The following GUCY1A2 variants were observed in gnomAD, a reference collection of about 807,000 sequenced individuals.
GUCY1A2 encodes guanylate cyclase soluble subunit alpha-2.
A neutral mutation model predicts 63.5 loss-of-function variants in GUCY1A2; 27 were observed. The ratio of observed to expected loss-of-function variants is 0.43; its 90% CI spans 0.31 to 0.59. The LOEUF (loss-of-function observed/expected upper bound fraction) is 0.59. Among genes scored for constraint, GUCY1A2 ranks in the 20% least tolerant of loss-of-function variants. GUCY1A2 has a pLI of 0.11. For missense variants in GUCY1A2, 768 were observed against 913.3 expected (o/e 0.84, Z 2.05); for synonymous variants, 364 against 343.5 (o/e 1.06, Z -0.66).
intron 4 of GUCY1A2, among the ~76,000 whole-genome samples, chr11:106,938,668 T>C (rs1860711367): frequency 6.6e-6 from 1 of 152,222 alleles, no homozygotes; most frequent in African/African-American, 2.4e-5. Flanking sequence ...TAAAAAATCA[T>C]GGTTTATTTT....
chr11:106,878,953 A>T (rs1859788537), intron 4 of GUCY1A2, among the ~76,000 whole-genome samples: 1 of 152,024 alleles, frequency 6.6e-6, no homozygotes, highest in African/African-American at 2.4e-5. Context: ...TTAAGACATT[A>T]AGTTTGTGAT....
chr11:106,788,495 T>A (rs1365129678), intron 5 of GUCY1A2, among the ~76,000 whole-genome samples: 1 of 152,222 alleles, frequency 6.6e-6, no homozygotes, highest in South Asian at 2.1e-4. Flanking sequence ...TCTAATGTTT[T>A]CTTTTAGTGG....
At chr11:106,773,811 A>C (rs1329960741) in intron 6 of GUCY1A2, among the ~76,000 whole-genome samples, 1 of 152,186 alleles carries the variant, frequency 6.6e-6, no homozygotes, top group East Asian at 1.9e-4. Flanking sequence ...ATATTCTCCT[A>C]ATTTGTAGTT....
At chr11:106,779,614 A>G (rs543727299) in intron 5 of GUCY1A2, among the ~76,000 whole-genome samples, 5 of 151,906 alleles carry the variant, frequency 3.3e-5, no homozygotes, top group Admixed American at 6.6e-5. Flanking sequence ...TGAAATGTCT[A>G]TCACCATCAT....
intron 4 of GUCY1A2, among the ~76,000 whole-genome samples, chr11:106,834,573 CA>C (rs1227498381): frequency 6.6e-6 from 1 of 151,964 alleles, no homozygotes; most frequent in Non-Finnish European, 1.5e-5. Context: ...AAATATCTAT[CA>C]TTCAGCTTCT....
At chr11:106,895,389 C>T (rs1262414468) in intron 4 of GUCY1A2, among the ~76,000 whole-genome samples, 1 of 152,152 alleles carries the variant, frequency 6.6e-6, no homozygotes, top group Non-Finnish European at 1.5e-5. Context: ...TATGGTTTGG[C>T]TGTGTCCCCA....
chr11:106,921,778 CCCCTTCCATTTTAGGGG>C (rs1860447424), intron 4 of GUCY1A2, among the ~76,000 whole-genome samples: 1 of 152,106 alleles, frequency 6.6e-6, no homozygotes, highest in South Asian at 2.1e-4. Context: ...AACAAACAAA[CCCCTTCCATTTTAGGGG>C]TTACCACAAT....
At chr11:106,979,707 A>G (rs1156768959) in intron 2 of GUCY1A2, among the ~76,000 whole-genome samples, 2 of 152,130 alleles carry the variant, frequency 1.3e-5, no homozygotes, top group Non-Finnish European at 1.5e-5. Context: ...AATGAGAGCT[A>G]AGACAAAAAA....
At chr11:106,877,389 A>G (rs2135468647) in intron 4 of GUCY1A2, among the ~76,000 whole-genome samples, 1 of 152,204 alleles carries the variant, frequency 6.6e-6, no homozygotes, top group Admixed American at 6.6e-5. Context: ...ACCTGACTTC[A>G]AACTATACTA....
At chr11:106,997,708 G>A (rs1020619807) in intron 1 of GUCY1A2, among the ~76,000 whole-genome samples, 1 of 148,548 alleles carries the variant, frequency 6.7e-6, no homozygotes, top group Admixed American at 7.0e-5. Context: ...AAAGAGCTTA[G>A]GGTTTGCAAT....
intron 4 of GUCY1A2, among the ~76,000 whole-genome samples, chr11:106,869,545 T>A (rs574265039): frequency 2.6e-5 from 4 of 152,222 alleles, no homozygotes; most frequent in East Asian, 3.9e-4. Flanking sequence ...ATGCAAATCA[T>A]AACCACAGTG....
chr11:106,924,018 TA>T (rs1304904143), intron 4 of GUCY1A2, among the ~76,000 whole-genome samples: 2 of 152,306 alleles, frequency 1.3e-5, no homozygotes, highest in East Asian at 3.9e-4. Flanking sequence ...GAATGTTACA[TA>T]AAGCAATCAA....
At chr11:107,012,744 CATT>C (rs2120215241) in intron 1 of GUCY1A2, among the ~76,000 whole-genome samples, 1 of 152,250 alleles carries the variant, frequency 6.6e-6, no homozygotes, top group Non-Finnish European at 1.5e-5. Context: ...AATGTGAAAA[CATT>C]AAACAACTGA....
intron 6 of GUCY1A2, among the ~76,000 whole-genome samples, chr11:106,709,455 T>C (rs1172459055): frequency 1.0e-5 from 1 of 96,652 alleles, no homozygotes; most frequent in African/African-American, 4.4e-5. Context: ...ATATATTCTA[T>C]ATTTATAGAA....
intron 4 of GUCY1A2, among the ~76,000 whole-genome samples, chr11:106,829,123 T>C (rs1859017052): frequency 6.6e-6 from 1 of 152,236 alleles, no homozygotes; most frequent in Non-Finnish European, 1.5e-5. Context: ...TCAATAATAA[T>C]CTTCTGATTA....
chr11:106,714,931 T>G (rs1591244412), intron 6 of GUCY1A2, among the ~76,000 whole-genome samples: 1 of 152,094 alleles, frequency 6.6e-6, no homozygotes, highest in East Asian at 1.9e-4. Flanking sequence ...TATAAATGCT[T>G]TCATCTGATC....
At chr11:106,868,855 C>T (rs893646971) in intron 4 of GUCY1A2, among the ~76,000 whole-genome samples, 4 of 151,576 alleles carry the variant, frequency 2.6e-5, no homozygotes, top group Non-Finnish European at 4.4e-5. Flanking sequence ...GACTTCAAAC[C>T]ATACTACAAG....
At chr11:106,839,528 T>C (rs1419345956) in intron 4 of GUCY1A2, among the ~76,000 whole-genome samples, 1 of 151,996 alleles carries the variant, frequency 6.6e-6, no homozygotes, top group Admixed American at 6.6e-5. Context: ...CAAAGGAATA[T>C]AAATCACGCT....
At chr11:106,807,789 G>T (rs1858711919) in intron 5 of GUCY1A2, among the ~76,000 whole-genome samples, 1 of 152,180 alleles carries the variant, frequency 6.6e-6, no homozygotes, top group African/African-American at 2.4e-5. Context: ...GCAGGCAGAG[G>T]AATGTAGAAG....
Sources: allele counts gnomAD v4.1 joint callset (sites outside exome capture counted in the v4.1 genomes callset), GRCh38; gene constraint gnomAD v4.1.1; transcripts MANE v1.5; gene names NCBI Gene and HGNC (gene_info 2026-07-23, HGNC 2026-07-21).